The following CACNA1I variants were observed in gnomAD, a reference collection of about 807,000 sequenced individuals.
CACNA1I encodes calcium voltage-gated channel subunit alpha1 I, also known as voltage-dependent T-type calcium channel subunit alpha-1I.
CACNA1I carries 74 observed loss-of-function variants against 201.6 expected under a neutral mutation model. That is an observed-to-expected ratio of 0.37 (90% CI 0.30 to 0.45). The LOEUF is 0.45. Among genes scored for constraint, CACNA1I ranks in the 20% least tolerant of loss-of-function variants. The pLI is 1.00. For missense variants in CACNA1I, 2,346 were observed against 3,138.1 expected (o/e 0.75, Z 6.03); for synonymous variants, 1,431 against 1,345.2 (o/e 1.06, Z -1.40).
Position 39,685,881 on chromosome 22 carries a change from G to A in CACNA1I, c.6148G>A (p.Ala2050Thr), listed in dbSNP as rs1419419709. The A allele has an allele frequency of 6.2e-6, 9 of 1,459,260 alleles. No homozygotes were observed. The African/African-American group carries it at 1.2e-4, about 19-fold the overall frequency. 90.4% of individuals were successfully genotyped at this position (1,459,260 alleles called of 1,614,324 possible). ...CCCCCGGCGTGCCCTGGGGCCGCCCGCGCCTGCTCCAGGACCCCGGGCCGG... is the reference window on the plus strand; with the variant it reads ...CCCCCGGCGTGCCCTGGGGCCGCCCACGCCTGCTCCAGGACCCCGGGCCGG... ...DSPRRALGPP[A>T]PAPGPRAGLS... The change falls in exon 37 of 37, where the codon GCG becomes ACG. Residue 2050 changes from alanine (A) to threonine (T), a missense_variant. This residue lies in a region of CACNA1I where 441 missense variants were observed against 555.6 expected (regional missense o/e 0.79). Coordinates refer to ENST00000402142, the MANE Select transcript of CACNA1I (RefSeq NM_021096.4). This position sits in a 1 kb window ranked among gnomAD's most constrained non-coding sequence, Gnocchi z 5.0.
rs1934591570 is a variant in CACNA1I at position 39,649,652 on chromosome 22, C to T, written c.1719C>T (p.Gly573=). ...CGGGCCTGGGCAGCACCGACTCGGG[C>T]CAGGAGGGCTCGGGCTCCGGGAGCT... is the stretch of plus-strand genomic sequence containing the variant. ...RPSGLGSTDS[G]QEGSGSGSSA... Residue 573 remains glycine (G), a synonymous_variant, in exon 10 of 37, where the codon GGC becomes GGT. Coordinates refer to ENST00000402142, the MANE Select transcript of CACNA1I (RefSeq NM_021096.4). This position sits in a 1 kb window ranked among gnomAD's most constrained non-coding sequence, Gnocchi z 7.3. 6.6e-7 allele frequency: 1 copy of T among 1,519,272 alleles called. No individual in the cohort carries two copies. Among genetic ancestry groups the T allele is most frequent in the East Asian group, 2.5e-5 (1 of 40,408 alleles). 94.1% of individuals were successfully genotyped at this position (1,519,272 alleles called of 1,614,324 possible). A position where few individuals can be genotyped will look rare whatever the true frequency, so the allele number is the denominator to read the frequency against.
At chr22:39,680,856 T>C (rs756385444) in intron 33 of CACNA1I, 74 bp from the exon 34 acceptor site, 14 of 1,500,156 alleles carry the variant, frequency 9.3e-6, no homozygotes, top group Non-Finnish European at 1.3e-5. Context: ...CTCAGGCCTG[T>C]GGCTGCACGC....
intron 4 of CACNA1I, among the ~76,000 whole-genome samples, chr22:39,633,635 A>G (rs564884688): frequency 6.6e-6 from 1 of 152,092 alleles, no homozygotes; most frequent in South Asian, 2.1e-4. Flanking sequence ...GGAGGTGTGA[A>G]ATCTCACAGT....
At chr22:39,604,160 G>C (rs897625820) in intron 3 of CACNA1I, among the ~76,000 whole-genome samples, 1 of 152,156 alleles carries the variant, frequency 6.6e-6, no homozygotes, top group South Asian at 2.1e-4. Flanking sequence ...TGGCTCCACA[G>C]ACTGACTCCC....
Position 39,659,573 on chromosome 22 carries a change from T to C in CACNA1I, c.2448+23T>C, listed in dbSNP as rs1934934527. ...CAGGTGAGTGGCCGCTGCGTGTTCA[T>C]GTTTGCTGGGGAAGCGATGGGACAG... is the stretch of plus-strand genomic sequence containing the variant. On this transcript the variant is annotated intron_variant, in intron 13 of 36. Transcript: ENST00000402142. The surrounding 1 kb of genome is among the most constrained non-coding windows in gnomAD (Gnocchi z 4.3). 1.2e-6 allele frequency: 2 copies of C among 1,604,326 alleles called. No individual in the cohort carries two copies. The highest frequency in any genetic ancestry group is 2.2e-5 in the East Asian group (1 of 44,814).
chr22:39,627,422 G>T (rs936705359), intron 4 of CACNA1I, among the ~76,000 whole-genome samples: 1 of 152,210 alleles, frequency 6.6e-6, no homozygotes, highest in African/African-American at 2.4e-5. Flanking sequence ...TGTGGACAGC[G>T]CCCCGAACGG....
intron 10 of CACNA1I, among the ~76,000 whole-genome samples, chr22:39,654,294 C>T (rs1426736084): frequency 6.6e-6 from 1 of 152,234 alleles, no homozygotes; most frequent in African/African-American, 2.4e-5. Context: ...CTCCTGCACA[C>T]ACCCATGCAG....
At chr22:39,652,184 C>T (rs560386820) in intron 10 of CACNA1I, among the ~76,000 whole-genome samples, 8 of 152,240 alleles carry the variant, frequency 5.3e-5, no homozygotes, top group East Asian at 1.9e-4. Context: ...TTAGTAGAGA[C>T]GGGGTTTCGC....
chr22:39,604,354 G>A (rs1601810944), intron 3 of CACNA1I, among the ~76,000 whole-genome samples: 1 of 152,168 alleles, frequency 6.6e-6, no homozygotes, highest in Admixed American at 6.5e-5. Context: ...CTCGAGATGG[G>A]GGCTGGATGA....
Position 39,676,807 on chromosome 22 carries a change from G to GT in CACNA1I, c.4855-533dup, listed in dbSNP as rs760921656. Among the ~76,000 whole-genome samples, 1 of 152,180 alleles carries GT rather than the reference G, an allele frequency of 6.6e-6. No homozygotes were observed. The highest frequency in any genetic ancestry group is 1.5e-5 in the Non-Finnish European group (1 of 68,030). The stretch of plus-strand genomic sequence containing the variant: ...GGGATAAGTGCATTTCGGTGGTTTC[G>GT]TAGAGGAGCTAGTGTTAGAGCTGAG... On this transcript the variant is annotated intron_variant, in intron 29 of 36. Transcript: ENST00000402142. This position sits in a 1 kb window ranked among gnomAD's most constrained non-coding sequence, Gnocchi z 4.8.
chr22:39,656,134 T>C (rs773346155), intron 10 of CACNA1I, among the ~76,000 whole-genome samples: 1 of 152,212 alleles, frequency 6.6e-6, no homozygotes, highest in Non-Finnish European at 1.5e-5. Flanking sequence ...CAGATGGAAA[T>C]GGGCCTTCTC....
chr22:39,599,968 G>A (rs1279103258), intron 2 of CACNA1I, among the ~76,000 whole-genome samples: 2 of 152,248 alleles, frequency 1.3e-5, no homozygotes, highest in South Asian at 2.1e-4. Flanking sequence ...ACTGAGGCCT[G>A]TGCCTGGGGG....
chr22:39,649,462 G>A lies in CACNA1I; in HGVS notation c.1568-39G>A. 1 of 1,518,528 alleles carries A rather than the reference G, an allele frequency of 6.6e-7. No homozygotes were observed. The allele number at this position is 1,518,528 out of a possible 1,614,324, so 94.1% of individuals were successfully genotyped here. A position where few individuals can be genotyped will look rare whatever the true frequency, so the allele number is the denominator to read the frequency against. ...TGTCCCAGGGTGGATTGGGCCTGGT[G>A]TGGGCAACGACTCTATGCCCCTCTC... is the stretch of plus-strand genomic sequence containing the variant. On this transcript the variant is annotated intron_variant, in intron 9 of 36. Transcript: ENST00000402142. This position sits in a 1 kb window ranked among gnomAD's most constrained non-coding sequence, Gnocchi z 7.3.
intron 10 of CACNA1I, among the ~76,000 whole-genome samples, chr22:39,652,788 C>G (rs564224243): frequency 6.6e-6 from 1 of 152,246 alleles, no homozygotes; most frequent in East Asian, 1.9e-4. Flanking sequence ...GTCTGTAGTC[C>G]CAGCTTCTCA....
intron 24 of CACNA1I, among the ~76,000 whole-genome samples, chr22:39,669,504 CATGGATGGGTGAATGG>C (rs1935298668): frequency 1.3e-5 from 2 of 150,730 alleles, no homozygotes; most frequent in South Asian, 4.2e-4. Context: ...TGGGTGGATG[CATGGATGGGTGAATGG>C]ATGGATGGGT....
At chr22:39,669,318 G>A (rs936411495) in intron 24 of CACNA1I, among the ~76,000 whole-genome samples, 2 of 152,192 alleles carry the variant, frequency 1.3e-5, no homozygotes, top group African/African-American at 4.8e-5. Context: ...ACACTTGGAC[G>A]CATCTTTCTC....
At chr22:39,669,680 A>G (rs1326793735) in intron 24 of CACNA1I, among the ~76,000 whole-genome samples, 1 of 148,976 alleles carries the variant, frequency 6.7e-6, no homozygotes, top group Non-Finnish European at 1.5e-5. Context: ...GGGTGGGTGG[A>G]TGGATGGATG....
At chr22:39,667,744 G>A (rs1935242762) in intron 23 of CACNA1I, among the ~76,000 whole-genome samples, 1 of 152,070 alleles carries the variant, frequency 6.6e-6, no homozygotes, top group African/African-American at 2.4e-5. Flanking sequence ...TTACAGATGA[G>A]GAAATGGGCC....
intron 3 of CACNA1I, 108 bp downstream of exon 3, chr22:39,600,761 G>A (rs9619822): frequency 0.061 from 82,252 of 1,353,232 alleles, 2,829 homozygotes; most frequent in African/African-American, 0.11. Context: ...ACGGTGATGC[G>A]TGGGACCCTC....
Sources: allele counts gnomAD v4.1 joint callset (sites outside exome capture counted in the v4.1 genomes callset), GRCh38; gene constraint gnomAD v4.1.1; regional missense constraint gnomAD v4.1.1; non-coding constraint Gnocchi (gnomAD v3.1); transcripts MANE v1.5; gene names NCBI Gene and HGNC (gene_info 2026-07-23, HGNC 2026-07-21).